The following WDR44 variants were observed in gnomAD, a reference collection of about 807,000 sequenced individuals.
The protein encoded by WDR44 is WD repeat-containing protein 44.
Under a neutral mutation model 65.7 loss-of-function variants are expected in WDR44, and 9 were observed. That is an observed-to-expected ratio of 0.14 (90% CI 0.08 to 0.24). The LOEUF is 0.24. Ranked by LOEUF, WDR44 falls within the 10% of genes least tolerant of loss-of-function variation. The pLI, the probability that WDR44 is intolerant of heterozygous loss-of-function variation, is 1.00. For synonymous variants in WDR44, 220 were observed against 235.2 expected (o/e 0.94, Z 0.59); for missense variants, 425 against 670.9 (o/e 0.63, Z 4.05).
In WDR44 at chrX:118,406,935, G is replaced by A; in HGVS notation, c.1442G>A (p.Arg481Lys). Residue 481 changes from arginine (R) to lysine (K), a missense_variant, in exon 10 of 20, where the codon AGA becomes AAA. Physicochemically the swap from Arg to Lys is conservative, Grantham distance 26. This residue lies in a region of WDR44 where 77 missense variants were observed against 183.5 expected (regional missense o/e 0.42). Transcript: ENST00000254029. ...GATGATGAAGGAATGCCATACACAA[G>A]ACCAGTTAAATTCAAAGCAGCACAC... ...SSDDEGMPYT[R>K]PVKFKAAHGF... The A allele has an allele frequency of 8.3e-7, 1 of 1,210,558 alleles. No individual in the cohort carries two copies. Among genetic ancestry groups the A allele is most frequent in the Non-Finnish European group, 1.1e-6 (1 of 894,559 alleles).
At chrX:118,446,522 G>A (rs776929789) in intron 19 of WDR44, among the ~76,000 whole-genome samples, 43 of 111,905 alleles carry the variant, frequency 3.8e-4, no homozygotes, top group African/African-American at 1.3e-3. Context: ...AAAGCCACAG[G>A]AATAGATACA....
At position 118,444,430 on chromosome X, in the gene WDR44, A is replaced by G. The variant is rs2057328915; in HGVS notation, c.2583A>G (p.Gln861=). Reference sequence around the variant, plus strand: ...GTTTGATGTTATCTTTGGATGTGCAATCTGAAAAATCAGAAGGGAACGAGA... The same window carrying G: ...GTTTGATGTTATCTTTGGATGTGCAGTCTGAAAAATCAGAAGGGAACGAGA... ...NPSLMLSLDV[Q]SEKSEGNEKS... The change falls in exon 19 of 20, where the codon CAA becomes CAG. Residue 861 remains glutamine (Q), a synonymous_variant. Transcript: ENST00000254029. 8.3e-6 allele frequency: 10 copies of G among 1,209,381 alleles called. No individual in the cohort carries two copies. Among genetic ancestry groups the G allele is most frequent in the Non-Finnish European group, 1.0e-5 (9 of 894,768 alleles).
intron 12 of WDR44, among the ~76,000 whole-genome samples, chrX:118,430,643 C>T (rs1012651301): frequency 4.5e-5 from 5 of 111,116 alleles, no homozygotes; most frequent in Non-Finnish European, 7.5e-5. Context: ...AGTTCAAGAC[C>T]AGCCTGGCCA....
At chrX:118,391,971 T>A (rs916882269) in intron 3 of WDR44, among the ~76,000 whole-genome samples, 11 of 111,672 alleles carry the variant, frequency 9.9e-5, no homozygotes, top group Non-Finnish European at 2.1e-4. Context: ...AGAGTGAGAC[T>A]CCATTTCAAA....
chrX:118,369,538 C>T (rs1183659578), intron 1 of WDR44, among the ~76,000 whole-genome samples: 2 of 95,257 alleles, frequency 2.1e-5, no homozygotes, highest in South Asian at 5.7e-4. Context: ...GGCGGGATCT[C>T]GGCTCACTGC....
chrX:118,416,276 A>G (rs2057056498), intron 12 of WDR44, among the ~76,000 whole-genome samples: 1 of 111,334 alleles, frequency 9.0e-6, no homozygotes. Flanking sequence ...TGACCTTAGC[A>G]TGTCAGTTTG....
chrX:118,368,459 C>CTATATA (rs757542334), intron 1 of WDR44, among the ~76,000 whole-genome samples: 1,396 of 72,877 alleles, frequency 0.019, 156 homozygotes, highest in African/African-American at 0.094. Flanking sequence ...GAAATAGTGA[C>CTATATA]TATATATATA....
intron 7 of WDR44, among the ~76,000 whole-genome samples, chrX:118,397,867 T>A (rs1390463271): frequency 8.9e-6 from 1 of 112,395 alleles, no homozygotes; most frequent in Admixed American, 9.5e-5. Flanking sequence ...ATTTACATGT[T>A]GTACATTGAA....
intron 2 of WDR44, among the ~76,000 whole-genome samples, chrX:118,380,147 A>T (rs1204548860): frequency 8.9e-6 from 1 of 111,879 alleles, no homozygotes; most frequent in Admixed American, 9.6e-5. Flanking sequence ...ATAATTATAG[A>T]TTCACAGGAA....
chrX:118,397,698 G>A (rs1368342515), intron 7 of WDR44, among the ~76,000 whole-genome samples: 1 of 111,500 alleles, frequency 9.0e-6, no homozygotes, highest in Non-Finnish European at 1.9e-5. Context: ...AATCATTTTG[G>A]TAAAAGCAGG....
chrX:118,419,237 G>A (rs1331730612), intron 12 of WDR44, among the ~76,000 whole-genome samples: 1 of 111,784 alleles, frequency 8.9e-6, no homozygotes, highest in Non-Finnish European at 1.9e-5. Flanking sequence ...TTCAGCTGGA[G>A]ACTTCCTTCT....
rs376735963 is a variant in WDR44 at position 118,412,543 on chromosome X, G to A, written c.1737+1584G>A. On this transcript the variant is annotated intron_variant, in intron 12 of 19. Coordinates refer to ENST00000254029, the MANE Select transcript of WDR44 (RefSeq NM_019045.5). ...TTTTGATGATTATGATACCAGTAGA[G>A]CTAGAAACTGTAAAGATAAGCTGAA... 9.0e-5 allele frequency among the ~76,000 whole-genome samples: 10 copies of A among 111,035 alleles called. No individual in the cohort carries two copies. In the East Asian group the frequency reaches 1.1e-3, roughly 12 times the overall value.
At chrX:118,440,608 G>C (rs5956997) in intron 14 of WDR44, among the ~76,000 whole-genome samples, 47,418 of 109,540 alleles carry the variant, frequency 0.43, 10,825 homozygotes, top group African/African-American at 0.86. Flanking sequence ...AGCACCTCCC[G>C]TAAACACGCC....
At chrX:118,377,549 A>G (rs1310943366) in intron 1 of WDR44, among the ~76,000 whole-genome samples, 7 of 110,713 alleles carry the variant, frequency 6.3e-5, no homozygotes, top group Non-Finnish European at 1.1e-4. Flanking sequence ...ATTTTTGGTG[A>G]GGGTATTAAG....
intron 2 of WDR44, among the ~76,000 whole-genome samples, 148 bp from the exon 3 acceptor site, chrX:118,387,181 CAAAAAAAAAAA>C (rs61229618): frequency 1.0e-4 from 4 of 38,323 alleles, no homozygotes; most frequent in Non-Finnish European, 2.1e-4. Flanking sequence ...AACTCTGTCT[CAAAAAAAAAAA>C]AAAAAAAAAA....
At chrX:118,394,597 A>G (rs898735344) in intron 5 of WDR44, among the ~76,000 whole-genome samples, 1 of 110,157 alleles carries the variant, frequency 9.1e-6, no homozygotes, top group African/African-American at 3.3e-5. Context: ...TTTCCTAATC[A>G]TAGAAAAACT....
intron 10 of WDR44, among the ~76,000 whole-genome samples, chrX:118,407,786 C>G (rs1569372831): frequency 8.9e-6 from 1 of 112,139 alleles, no homozygotes; most frequent in Non-Finnish European, 1.9e-5. Context: ...TGCAATTGCA[C>G]AAACTGTATT....
intron 10 of WDR44, among the ~76,000 whole-genome samples, chrX:118,407,516 AAAG>A (rs1346818814): frequency 1.1e-4 from 12 of 110,267 alleles, no homozygotes; most frequent in Admixed American, 9.7e-4. Flanking sequence ...AAAAAAAAAA[AAAG>A]AAAGAAAGGA....
chrX:118,380,803 C>T (rs1436914566), intron 2 of WDR44, among the ~76,000 whole-genome samples: 6 of 111,647 alleles, frequency 5.4e-5, no homozygotes, highest in Non-Finnish European at 1.1e-4. Context: ...ATAGAATTGG[C>T]GTGAGAGCAC....
Sources: allele counts gnomAD v4.1 joint callset (sites outside exome capture counted in the v4.1 genomes callset), GRCh38; gene constraint gnomAD v4.1.1; regional missense constraint gnomAD v4.1.1; transcripts MANE v1.5; gene names NCBI Gene and HGNC (gene_info 2026-07-23, HGNC 2026-07-21).